NPFFR2: variants seen among roughly 807,000 people sequenced by gnomAD.
The protein encoded by NPFFR2 is G-protein coupled receptor 74.
NPFFR2 carries 15 observed loss-of-function variants against 13.1 expected under a neutral mutation model. The ratio of observed to expected loss-of-function variants is 1.15; its 90% CI spans 0.77 to 1.76. The LOEUF (loss-of-function observed/expected upper bound fraction) is 1.76, where lower values mean the gene tolerates loss of function less well. Among genes scored for constraint, NPFFR2 ranks in the 40% most tolerant of loss-of-function variants. The pLI, the probability that NPFFR2 is intolerant of heterozygous loss-of-function variation, is 0.00. For missense variants in NPFFR2, 572 were observed against 503.5 expected, an observed-to-expected ratio of 1.14 and a Z score of -1.30; for synonymous variants, 190 against 175.7, an observed-to-expected ratio of 1.08 and a Z score of -0.65.
intron 1 of NPFFR2, among the ~76,000 whole-genome samples, chr4:72,059,789 T>C (rs1719868392): frequency 6.6e-6 from 1 of 152,106 alleles, no homozygotes. Context: ...TTTGCAGACC[T>C]ACTGGGTCTA....
chr4:72,115,222 A>G lies in NPFFR2; in HGVS notation c.-7-13363A>G, dbSNP rs148217683. On this transcript the variant is annotated intron_variant, in intron 1 of 3. Coordinates refer to ENST00000308744, the MANE Select transcript of NPFFR2 (RefSeq NM_004885.3). ...ATGGATGTATTTATTTCAATAAATTATATTTGTAGAAATGAAAAGGTCAAG... is the reference window on the plus strand; with the variant it reads ...ATGGATGTATTTATTTCAATAAATTGTATTTGTAGAAATGAAAAGGTCAAG... Among the ~76,000 whole-genome samples, 5 of 152,314 alleles carry G rather than the reference A, an allele frequency of 3.3e-5. No homozygotes were observed. The East Asian group carries it at 9.6e-4, about 29-fold the overall frequency.
chr4:72,089,991 AT>A (rs1335492480), intron 1 of NPFFR2, among the ~76,000 whole-genome samples: 1 of 151,940 alleles, frequency 6.6e-6, no homozygotes, highest in African/African-American at 2.4e-5. Flanking sequence ...TCTTGATTTG[AT>A]TTTTGTATAA....
intron 1 of NPFFR2, among the ~76,000 whole-genome samples, chr4:72,077,073 G>A (rs144957180): frequency 4.8e-3 from 731 of 152,078 alleles, no homozygotes; most frequent in Middle Eastern, 0.014. Context: ...TTAATGATTT[G>A]CTGAGGTACA....
intron 1 of NPFFR2, among the ~76,000 whole-genome samples, chr4:72,061,916 G>A (rs1719932370): frequency 5.3e-5 from 8 of 152,042 alleles, no homozygotes; most frequent in Non-Finnish European, 1.5e-5. Flanking sequence ...AAACCTACAT[G>A]TTCTGCACAT....
chr4:72,060,340 G>A (rs943664678), intron 1 of NPFFR2, among the ~76,000 whole-genome samples: 29 of 152,116 alleles, frequency 1.9e-4, no homozygotes, highest in African/African-American at 6.5e-4. Flanking sequence ...AATAGCTATT[G>A]TAATCAAGGA....
chr4:72,094,206 G>A (rs1720990537), intron 1 of NPFFR2, among the ~76,000 whole-genome samples: 1 of 152,206 alleles, frequency 6.6e-6, no homozygotes. Flanking sequence ...TCTCAGCTGT[G>A]TATACTAACA....
chr4:72,047,465 C>T (rs1172691062), intron 1 of NPFFR2, among the ~76,000 whole-genome samples: 1 of 152,126 alleles, frequency 6.6e-6, no homozygotes, highest in Non-Finnish European at 1.5e-5. Context: ...TGCCCCTAGT[C>T]TGCACTGGGA....
intron 1 of NPFFR2, among the ~76,000 whole-genome samples, chr4:72,063,793 T>C (rs1719990770): frequency 1.3e-5 from 2 of 152,188 alleles, no homozygotes; most frequent in Non-Finnish European, 2.9e-5. Flanking sequence ...TTACCTATAA[T>C]GTGTTAGCCA....
At chr4:72,126,916 T>C (rs533118682) in intron 1 of NPFFR2, among the ~76,000 whole-genome samples, 1 of 152,168 alleles carries the variant, frequency 6.6e-6, no homozygotes, top group Non-Finnish European at 1.5e-5. Flanking sequence ...TTCACTTTAA[T>C]AAATATTAGT....
At chr4:72,137,826 G>A (rs181551641) in intron 2 of NPFFR2, among the ~76,000 whole-genome samples, 22 of 152,314 alleles carry the variant, frequency 1.4e-4, no homozygotes, top group Non-Finnish European at 2.8e-4. Context: ...TGCCTGGAAT[G>A]TGATAACTAC....
chr4:72,108,611 G>A (rs1721480669), intron 1 of NPFFR2, among the ~76,000 whole-genome samples: 1 of 151,940 alleles, frequency 6.6e-6, no homozygotes, highest in African/African-American at 2.4e-5. Flanking sequence ...TATTATATAT[G>A]TGTATTTCTG....
chr4:72,115,619 T>C (rs1721691272), intron 1 of NPFFR2, among the ~76,000 whole-genome samples: 1 of 152,130 alleles, frequency 6.6e-6, no homozygotes, highest in Non-Finnish European at 1.5e-5. Flanking sequence ...CCTATTTCTG[T>C]ATATTGTAAT....
chr4:72,037,908 T>C (rs1337088838), intron 1 of NPFFR2, among the ~76,000 whole-genome samples: 1 of 152,212 alleles, frequency 6.6e-6, no homozygotes, highest in Non-Finnish European at 1.5e-5. Context: ...GCTTGACCAA[T>C]ATCCTGAGCT....
At chr4:72,038,351 G>T (rs1466606441) in intron 1 of NPFFR2, among the ~76,000 whole-genome samples, 1 of 152,158 alleles carries the variant, frequency 6.6e-6, no homozygotes, top group Non-Finnish European at 1.5e-5. Flanking sequence ...GAGATGTACA[G>T]TATGCTTTCA....
At chr4:72,115,204 T>G (rs893744575) in intron 1 of NPFFR2, among the ~76,000 whole-genome samples, 4 of 152,202 alleles carry the variant, frequency 2.6e-5, no homozygotes, top group Admixed American at 2.0e-4. Context: ...CTCATGGATG[T>G]ATTTATTTCA....
chr4:72,107,986 T>G (rs1369654815), intron 1 of NPFFR2, among the ~76,000 whole-genome samples: 1 of 151,982 alleles, frequency 6.6e-6, no homozygotes, highest in East Asian at 1.9e-4. Flanking sequence ...CATGCCTTAC[T>G]AACAATTTCA....
intron 1 of NPFFR2, among the ~76,000 whole-genome samples, chr4:72,106,736 C>T (rs7697805): frequency 0.011 from 1,746 of 152,020 alleles, 36 homozygotes; most frequent in African/African-American, 0.04. Context: ...GAAAAGAAGC[C>T]AACGGGGCAT....
chr4:72,085,707 TA>T (rs778196634), intron 1 of NPFFR2, among the ~76,000 whole-genome samples: 4 of 152,146 alleles, frequency 2.6e-5, no homozygotes, highest in Non-Finnish European at 5.9e-5. Context: ...AAAGAAATGC[TA>T]GTTATGTAAT....
intron 1 of NPFFR2, among the ~76,000 whole-genome samples, chr4:72,032,666 C>T (rs1164714756): frequency 6.6e-6 from 1 of 152,180 alleles, no homozygotes; most frequent in Non-Finnish European, 1.5e-5. Flanking sequence ...TTCTGAGCTG[C>T]GTACAGGACA....
Sources: gnomAD v4.1 joint callset for allele counts (sites outside exome capture counted in the v4.1 genomes callset) on GRCh38, gnomAD v4.1.1 for gene constraint, MANE v1.5 for transcripts, NCBI Gene and HGNC (gene_info 2026-07-23, HGNC 2026-07-21) for gene names.